Variants in TMEM132B observed in about 807,000 individuals in gnomAD.
TMEM132B encodes transmembrane protein 132B.
In TMEM132B, 18 loss-of-function variants were observed where a neutral mutation model predicts 90.8. The ratio of observed to expected loss-of-function variants is 0.20; its 90% confidence interval spans 0.14 to 0.29. The LOEUF is 0.29. TMEM132B is among the 10% of genes least tolerant of loss of function. The pLI, the probability that TMEM132B is intolerant of heterozygous loss-of-function variation, is 1.00. For missense variants in TMEM132B, 1,096 were observed against 1,326.8 expected (o/e 0.83, Z 2.70); for synonymous variants, 504 against 523.3 (o/e 0.96, Z 0.50).
At chr12:125,512,784 T>A (rs1165974185) in intron 3 of TMEM132B, among the ~76,000 whole-genome samples, 1 of 152,126 alleles carries the variant, frequency 6.6e-6, no homozygotes, top group Non-Finnish European at 1.5e-5. Flanking sequence ...CTGGATCCTA[T>A]GAAACTGCAG....
intron 3 of TMEM132B, among the ~76,000 whole-genome samples, chr12:125,482,959 G>A (rs1341550175): frequency 6.6e-6 from 1 of 152,138 alleles, no homozygotes; most frequent in Non-Finnish European, 1.5e-5. Flanking sequence ...CATGGATGAA[G>A]CTGGAAACCA....
chr12:125,516,416 T>C (rs772602639), intron 3 of TMEM132B, among the ~76,000 whole-genome samples: 2 of 152,222 alleles, frequency 1.3e-5, no homozygotes, highest in Non-Finnish European at 2.9e-5. Flanking sequence ...GCATGCCCAT[T>C]GCCTAAAAGT....
chr12:125,611,349 A>C (rs991294749), intron 5 of TMEM132B, among the ~76,000 whole-genome samples: 1 of 152,020 alleles, frequency 6.6e-6, no homozygotes, highest in Admixed American at 6.6e-5. Flanking sequence ...TATTTTAAAA[A>C]AAACAATTTT....
chr12:125,532,416 G>A (rs1008872971), intron 4 of TMEM132B, among the ~76,000 whole-genome samples: 1 of 152,144 alleles, frequency 6.6e-6, no homozygotes, highest in Non-Finnish European at 1.5e-5. Flanking sequence ...TGTCCTGCTT[G>A]TTGGGTGAGC....
Position 125,277,383 on chromosome 12 carries a change from G to A in TMEM132B, c.68-72069G>A, listed in dbSNP as rs1348036588. ...AATCCCAGCTACTCAGGAGGCTGAGGCTGGAGAATCGCTTGAACCTGGGAG... is the reference window on the plus strand; with the variant it reads ...AATCCCAGCTACTCAGGAGGCTGAGACTGGAGAATCGCTTGAACCTGGGAG... On this transcript the variant is annotated intron_variant, in intron 1 of 8. Coordinates refer to ENST00000682704, the MANE Select transcript of TMEM132B (RefSeq NM_001366854.1). The surrounding 1 kb of genome is among the most constrained non-coding windows in gnomAD (Gnocchi z 4.3). Among the ~76,000 whole-genome samples, 2 of 151,986 alleles carry A rather than the reference G, an allele frequency of 1.3e-5. No homozygotes were observed. Among genetic ancestry groups the A allele is most frequent in the African/African-American group, 4.8e-5 (2 of 41,376 alleles).
At chr12:125,522,638 C>T (rs1441554384) in intron 4 of TMEM132B, among the ~76,000 whole-genome samples, 1 of 152,172 alleles carries the variant, frequency 6.6e-6, no homozygotes, top group Non-Finnish European at 1.5e-5. Flanking sequence ...GCACTTGCTA[C>T]CAAACTACTG....
chr12:125,440,471 G>A (rs1880838078), intron 3 of TMEM132B, among the ~76,000 whole-genome samples: 1 of 152,196 alleles, frequency 6.6e-6, no homozygotes, highest in South Asian at 2.1e-4. Flanking sequence ...CATTTTCAAA[G>A]ACTGAAACAG....
chr12:125,545,053 A>G (rs1253594956), intron 4 of TMEM132B, among the ~76,000 whole-genome samples: 3 of 152,212 alleles, frequency 2.0e-5, no homozygotes, highest in African/African-American at 7.2e-5. Flanking sequence ...GAGATTACCC[A>G]ATACTGAGTA....
chr12:125,399,602 T>G (rs978071008), intron 2 of TMEM132B, among the ~76,000 whole-genome samples: 6 of 152,062 alleles, frequency 3.9e-5, no homozygotes, highest in African/African-American at 1.4e-4. Context: ...AACACCTTGA[T>G]TTCAGACTTC....
At chr12:125,384,015 C>T (rs1298567301) in intron 2 of TMEM132B, among the ~76,000 whole-genome samples, 1 of 152,134 alleles carries the variant, frequency 6.6e-6, no homozygotes, top group Non-Finnish European at 1.5e-5. Context: ...GGTGTGACCT[C>T]AGCTCATTGC....
rs938025202 is a variant in TMEM132B, at chr12:125,658,174, G to C, written c.*3464G>C. The C allele has an allele frequency of 6.6e-6, 1 of 152,230 alleles. No homozygotes were observed. The highest frequency in any genetic ancestry group is 1.5e-5 in the Non-Finnish European group (1 of 68,052). 9.4% of individuals were successfully genotyped at this position (152,230 alleles called of 1,614,324 possible). ...TATAATAATCCTGACTATGTAGACG[G>C]AAGTTTCTATTTATAAAGTCATGCA... On this transcript the variant is annotated 3_prime_UTR_variant, in exon 9 of 9. Transcript: ENST00000682704.
chr12:125,291,924 A>T (rs1206832566), intron 1 of TMEM132B, among the ~76,000 whole-genome samples: 1 of 152,246 alleles, frequency 6.6e-6, no homozygotes, highest in Admixed American at 6.5e-5. Flanking sequence ...CTGTATTAAA[A>T]TTCACATTGT....
rs758226132 is a variant in TMEM132B at position 125,644,231 on chromosome 12, C to G, written c.1593C>G (p.Thr531=). 6.2e-7 allele frequency: 1 copy of G among 1,614,034 alleles called. No individual in the cohort carries two copies. Among genetic ancestry groups the G allele is most frequent in the East Asian group, 2.2e-5 (1 of 44,888 alleles). Reference sequence around the variant, plus strand: ...CCCTGCAGATTGAGATCTCAGACACCGAGCTGAGCCAGATCAAGGGCTGGA... The same window carrying G: ...CCCTGCAGATTGAGATCTCAGACACGGAGCTGAGCCAGATCAAGGGCTGGA... ...RLPLQIEISD[T]ELSQIKGWRI... The change falls in exon 6 of 9, where the codon ACC becomes ACG. Residue 531 remains threonine, a synonymous_variant. Coordinates refer to ENST00000682704, the MANE Select transcript of TMEM132B (RefSeq NM_001366854.1).
Position 125,514,402 on chromosome 12 carries a change from T to C in TMEM132B, c.1107-5037T>C, listed in dbSNP as rs1325314990. On this transcript the variant is annotated intron_variant, in intron 3 of 8. Coordinates refer to ENST00000682704, the MANE Select transcript of TMEM132B (RefSeq NM_001366854.1). ...AGGAGTCAGAGGTCCCCGTCTCCCATTGTATCTCCTGAGAGGCACCAGCAA... is the reference window on the plus strand; with the variant it reads ...AGGAGTCAGAGGTCCCCGTCTCCCACTGTATCTCCTGAGAGGCACCAGCAA... Among the ~76,000 whole-genome samples, 4 of 152,172 alleles carry C rather than the reference T, an allele frequency of 2.6e-5. No individual in the cohort carries two copies. In the East Asian group the frequency reaches 5.8e-4, roughly 22 times the overall value.
chr12:125,491,407 C>A (rs1414941210), intron 3 of TMEM132B, among the ~76,000 whole-genome samples: 2 of 151,870 alleles, frequency 1.3e-5, no homozygotes, highest in Non-Finnish European at 2.9e-5. Flanking sequence ...AAAGATAAAC[C>A]CAAGTGAACC....
At chr12:125,619,049 G>C (rs1327255288) in intron 5 of TMEM132B, among the ~76,000 whole-genome samples, 1 of 152,210 alleles carries the variant, frequency 6.6e-6, no homozygotes, top group African/African-American at 2.4e-5. Context: ...GGTAGAGGCA[G>C]TGGGAAGTGA....
rs567612142 is a variant in TMEM132B, at chr12:125,528,258, G to C, written c.1293+8633G>C. Among the ~76,000 whole-genome samples the C allele has an allele frequency of 2.6e-5, 4 of 152,060 alleles. No individual in the cohort carries two copies. In the South Asian group the frequency reaches 8.3e-4, roughly 32 times the overall value. On this transcript the variant is annotated intron_variant, in intron 4 of 8. Transcript: ENST00000682704. ...GAGCTTTATTTCCGTGGGTGGCTTG[G>C]TGTTGAGGGCTGCAGTCCACCCTTC...
chr12:125,640,331 G>C (rs888530739), intron 5 of TMEM132B, among the ~76,000 whole-genome samples: 2 of 152,234 alleles, frequency 1.3e-5, no homozygotes, highest in African/African-American at 4.8e-5. Flanking sequence ...AAAGAGGAAA[G>C]TGTATGTGTG....
chr12:125,232,274 T>C (rs1480408018), intron 1 of TMEM132B, among the ~76,000 whole-genome samples: 1 of 152,230 alleles, frequency 6.6e-6, no homozygotes, highest in African/African-American at 2.4e-5. Context: ...GTTCTTTGCT[T>C]AGATTCTTTT....
Sources: gnomAD v4.1 joint callset for allele counts (sites outside exome capture counted in the v4.1 genomes callset) on GRCh38, gnomAD v4.1.1 for gene constraint, Gnocchi (gnomAD v3.1) non-coding constraint, MANE v1.5 for transcripts, NCBI Gene and HGNC (gene_info 2026-07-23, HGNC 2026-07-21) for gene names.